The following FOXK1 variants were observed in gnomAD, a reference collection of about 807,000 sequenced individuals.
FOXK1 encodes forkhead box protein K1.
Under a neutral mutation model 51.9 loss-of-function variants are expected in FOXK1, and 19 were observed. The ratio of observed to expected loss-of-function variants is 0.37; its 90% CI spans 0.26 to 0.54. The LOEUF is 0.54. Among genes scored for constraint, FOXK1 ranks in the 20% least tolerant of loss-of-function variants. The pLI is 0.87. For missense variants in FOXK1, 870 were observed against 1,032.7 expected (o/e 0.84, Z 2.16); for synonymous variants, 537 against 482.6 (o/e 1.11, Z -1.48).
chr7:4,714,792 G>T (rs1008804972), intron 1 of FOXK1, among the ~76,000 whole-genome samples: 2 of 152,082 alleles, frequency 1.3e-5, no homozygotes, highest in African/African-American at 4.8e-5. Context: ...TCTCATCTCA[G>T]TTTCCCTCCT....
At position 4,699,774 on chromosome 7, in the gene FOXK1, G is replaced by C. The variant is rs532344784; in HGVS notation, c.560+16906G>C. Among the ~76,000 whole-genome samples, 4 of 152,256 alleles carry C rather than the reference G, an allele frequency of 2.6e-5. No individual in the cohort carries two copies. In the South Asian group the frequency reaches 8.3e-4, roughly 32 times the overall value. On this transcript the variant is annotated intron_variant, in intron 1 of 8. Transcript: ENST00000328914. The stretch of plus-strand genomic sequence containing the variant: ...GTAATTAAGTAATTTTTGAGATTCA[G>C]TACAAGTGTTAAAATATTAATTTTC...
At chr7:4,700,869 G>T (rs1036904481) in intron 1 of FOXK1, among the ~76,000 whole-genome samples, 1 of 152,314 alleles carries the variant, frequency 6.6e-6, no homozygotes, top group African/African-American at 2.4e-5. Context: ...AGACAGTGCT[G>T]ATAGATAAAC....
intron 1 of FOXK1, among the ~76,000 whole-genome samples, chr7:4,704,324 G>A (rs1040027627): frequency 1.7e-4 from 25 of 151,394 alleles, no homozygotes; most frequent in African/African-American, 5.8e-4. Context: ...AGTGGGGCAC[G>A]CCTGTAATCC....
Position 4,762,258 on chromosome 7 carries a change from G to A in FOXK1, c.1996G>A (p.Glu666Lys), listed in dbSNP as rs1378891387. 1.4e-5 allele frequency: 21 copies of A among 1,551,626 alleles called. No individual in the cohort carries two copies. In the East Asian group the frequency reaches 1.5e-4, roughly 11 times the overall value. The part of the protein sequence containing the change: ...SAPVVVTRVC[E>K]VGPKEPAAAV... Reference sequence around the variant, plus strand: ...GCCGGTGGTGGTCACCCGGGTGTGCGAGGTGGGGCCCAAGGAGCCAGCAGC... The same window carrying A: ...GCCGGTGGTGGTCACCCGGGTGTGCAAGGTGGGGCCCAAGGAGCCAGCAGC... The change falls in exon 9 of 9, where the codon GAG becomes AAG. Residue 666 changes from glutamate (E) to lysine (K), a missense_variant. This residue lies in a region of FOXK1 where 457 missense variants were observed against 510.8 expected (regional missense o/e 0.89). Transcript: ENST00000328914. This position sits in a 1 kb window ranked among gnomAD's most constrained non-coding sequence, Gnocchi z 5.7.
chr7:4,762,455 C>A lies in FOXK1; in HGVS notation c.2193C>A (p.Thr731=). ...IAAAGPQGPG[T]GE is the part of the protein sequence containing the mutation. The stretch of plus-strand genomic sequence containing the variant: ...CTGCCGGCCCCCAGGGGCCAGGCAC[C>A]GGGGAGTGAGGTCACCTGCAACGCG... Residue 731 remains threonine (T), a synonymous_variant, in exon 9 of 9, where the codon ACC becomes ACA. Coordinates refer to ENST00000328914, the MANE Select transcript of FOXK1 (RefSeq NM_001037165.2). The surrounding 1 kb of genome is among the most constrained non-coding windows in gnomAD (Gnocchi z 5.7). 6.5e-7 allele frequency: 1 copy of A among 1,542,478 alleles called. No homozygotes were observed. The highest frequency in any genetic ancestry group is 8.8e-7 in the Non-Finnish European group (1 of 1,142,016).
chr7:4,683,580 C>A lies in FOXK1; in HGVS notation c.560+712C>A, dbSNP rs1562638329. ...TCACCCTCAACCCTTCCAGGTCACC[C>A]TGGACCCCCACCAGCTTGGACTCCA... On this transcript the variant is annotated intron_variant, in intron 1 of 8. Coordinates refer to ENST00000328914, the MANE Select transcript of FOXK1 (RefSeq NM_001037165.2). The surrounding 1 kb of genome is among the most constrained non-coding windows in gnomAD (Gnocchi z 4.5). Among the ~76,000 whole-genome samples, 1 of 151,892 alleles carries A rather than the reference C, an allele frequency of 6.6e-6. No homozygotes were observed. The highest frequency in any genetic ancestry group is 1.5e-5 in the Non-Finnish European group (1 of 67,932).
chr7:4,712,320 A>G (rs1780185309), intron 1 of FOXK1, among the ~76,000 whole-genome samples: 1 of 152,100 alleles, frequency 6.6e-6, no homozygotes, highest in Admixed American at 6.5e-5. Flanking sequence ...TTTAAAGGGA[A>G]TGTAAAAAGG....
rs1357377560 is a variant in FOXK1, at chr7:4,755,079, C to T, written c.904-158C>T. On this transcript the variant is annotated intron_variant, in intron 3 of 8. Coordinates refer to ENST00000328914, the MANE Select transcript of FOXK1 (RefSeq NM_001037165.2). This position sits in a 1 kb window ranked among gnomAD's most constrained non-coding sequence, Gnocchi z 6.6. ...AAAAATGGTTGTTCCTAGTTGAATGCAAGCACATTAATGGGATAGTTGGAG... is the reference window on the plus strand; with the variant it reads ...AAAAATGGTTGTTCCTAGTTGAATGTAAGCACATTAATGGGATAGTTGGAG... 8 of 847,136 alleles carry T rather than the reference C, an allele frequency of 9.4e-6. No individual in the cohort carries two copies. The allele number at this position is 847,136 out of a possible 1,614,324, so 52.5% of individuals were successfully genotyped here.
At chr7:4,739,486 A>G (rs1780603177) in intron 1 of FOXK1, among the ~76,000 whole-genome samples, 1 of 152,220 alleles carries the variant, frequency 6.6e-6, no homozygotes, top group Non-Finnish European at 1.5e-5. Flanking sequence ...CAGTTTAGAA[A>G]TTGAAAGGTG....
intron 1 of FOXK1, among the ~76,000 whole-genome samples, chr7:4,687,065 T>A (rs2115027156): frequency 6.6e-6 from 1 of 151,746 alleles, no homozygotes; most frequent in East Asian, 1.9e-4. Context: ...CCCGAGTACC[T>A]GGGACTATGG....
rs1180183927 is a variant in FOXK1 at position 4,707,522 on chromosome 7, GT to G, written c.560+24655del. ...TGTTAAGATGTATTTAGCGACTCAA[GT>G]ATCTGCAGCAGCGAGAGGGTGGGTG... On this transcript the variant is annotated intron_variant, in intron 1 of 8. Transcript: ENST00000328914. The surrounding 1 kb of genome is among the most constrained non-coding windows in gnomAD (Gnocchi z 4.1). 2.0e-5 allele frequency among the ~76,000 whole-genome samples: 3 copies of G among 152,296 alleles called. No homozygotes were observed. The highest frequency in any genetic ancestry group is 4.4e-5 in the Non-Finnish European group (3 of 68,024).
intron 2 of FOXK1, among the ~76,000 whole-genome samples, chr7:4,742,216 T>A (rs1780643198): frequency 1.3e-5 from 2 of 152,152 alleles, no homozygotes; most frequent in South Asian, 2.1e-4. Flanking sequence ...ACCTCACATA[T>A]ACCCTGAAAG....
At chr7:4,685,221 C>CTT (rs55891300) in intron 1 of FOXK1, among the ~76,000 whole-genome samples, 15 of 102,608 alleles carry the variant, frequency 1.5e-4, no homozygotes, top group African/African-American at 3.5e-4. Context: ...GAGCTATTTG[C>CTT]TTTTTTTTTT....
rs1040853226 is a variant in FOXK1 at position 4,741,076 on chromosome 7, C to T, written c.746+53C>T. ...GCCCCCAGGAGAGAGGGGGATGATG[C>T]GAGCGTGCCTGTCGTACGCAGCACC... On this transcript the variant is annotated intron_variant, in intron 2 of 8. Coordinates refer to ENST00000328914, the MANE Select transcript of FOXK1 (RefSeq NM_001037165.2). The T allele has an allele frequency of 6.9e-6, 9 of 1,299,194 alleles. No homozygotes were observed. In the Admixed American group the frequency reaches 1.6e-4, roughly 23 times the overall value. 80.5% of individuals were successfully genotyped at this position (1,299,194 alleles called of 1,614,324 possible). A position where few individuals can be genotyped will look rare whatever the true frequency, so the allele number is the denominator to read the frequency against.
chr7:4,699,314 A>C (rs951766024), intron 1 of FOXK1, among the ~76,000 whole-genome samples: 2 of 125,970 alleles, frequency 1.6e-5, no homozygotes, highest in Admixed American at 8.7e-5. Context: ...AGACAGTCTC[A>C]CTCTGTCACC....
chr7:4,751,910 C>A (rs982251370), intron 2 of FOXK1, among the ~76,000 whole-genome samples: 2 of 152,000 alleles, frequency 1.3e-5, no homozygotes, highest in Admixed American at 6.6e-5. Flanking sequence ...TGAAATCATT[C>A]TCTGGGGAAT....
intron 1 of FOXK1, among the ~76,000 whole-genome samples, chr7:4,710,967 G>A (rs552309248): frequency 1.3e-4 from 20 of 152,156 alleles, no homozygotes; most frequent in Non-Finnish European, 2.1e-4. Context: ...TGTCGACACC[G>A]TCCTAGCCAC....
At chr7:4,741,290 G>GT (rs1780630629) in intron 2 of FOXK1, among the ~76,000 whole-genome samples, 2 of 151,398 alleles carry the variant, frequency 1.3e-5, no homozygotes, top group African/African-American at 4.9e-5. Flanking sequence ...TTTTTTTGTT[G>GT]TTTTTTGTTT....
At position 4,761,162 on chromosome 7, in the gene FOXK1, C is replaced by A; in HGVS notation, c.1795C>A (p.His599Asn). Residue 599 changes from histidine to asparagine, a missense_variant, in exon 8 of 9, where the codon CAC becomes AAC. His to Asn is a moderately conservative substitution (Grantham distance 68, BLOSUM62 1). This residue lies in a region of FOXK1 where 457 missense variants were observed against 510.8 expected (regional missense o/e 0.89). Coordinates refer to ENST00000328914, the MANE Select transcript of FOXK1 (RefSeq NM_001037165.2). The surrounding 1 kb of genome is among the most constrained non-coding windows in gnomAD (Gnocchi z 6.2). Reference protein sequence around the residue: ...ASQMAPGVPGHTVTILQPATP... With the variant: ...ASQMAPGVPGNTVTILQPATP... ...CCAGATGGCCCCCGGGGTCCCCGGA[C>A]ACACGGTCACCATCCTGCAGCCCGC... 6.2e-7 allele frequency: 1 copy of A among 1,612,780 alleles called. No homozygotes were observed. The highest frequency in any genetic ancestry group is 1.3e-5 in the African/African-American group (1 of 75,072).
Sources: gnomAD v4.1 joint callset for allele counts (sites outside exome capture counted in the v4.1 genomes callset) on GRCh38, gnomAD v4.1.1 for gene constraint, gnomAD v4.1.1 regional missense constraint, Gnocchi (gnomAD v3.1) non-coding constraint, MANE v1.5 for transcripts, NCBI Gene and HGNC (gene_info 2026-07-23, HGNC 2026-07-21) for gene names.